The following RSF1 variants were observed in gnomAD, a reference collection of about 807,000 sequenced individuals.
RSF1 encodes HBV pX-associated protein 8.
Under a neutral mutation model 145.2 loss-of-function variants are expected in RSF1, and 13 were observed. That is an observed-to-expected ratio of 0.09 (90% CI 0.06 to 0.14). The LOEUF (loss-of-function observed/expected upper bound fraction) is 0.14, where lower values mean the gene tolerates loss of function less well. Ranked by LOEUF, RSF1 falls within the 10% of genes least tolerant of loss-of-function variation. The pLI, the probability that RSF1 is intolerant of heterozygous loss-of-function variation, is 1.00. For missense variants in RSF1, 1,517 were observed against 1,718.2 expected, an observed-to-expected ratio of 0.88 and a Z score of 2.07; for synonymous variants, 577 against 592.6, an observed-to-expected ratio of 0.97 and a Z score of 0.38.
the RSF1 span, among the ~76,000 whole-genome samples, chr11:77,863,962 T>G: frequency 3.3e-5 from 5 of 151,864 alleles, no homozygotes; most frequent in Non-Finnish European, 7.4e-5. Flanking sequence ...GTTTCACTCT[T>G]TTCGCCCAGG....
Position 77,698,535 on chromosome 11 carries a change from A to G in RSF1, c.2667T>C (p.Asp889=). 2 of 1,614,140 alleles carry G rather than the reference A, an allele frequency of 1.2e-6. No homozygotes were observed. The highest frequency in any genetic ancestry group is 1.7e-6 in the Non-Finnish European group (2 of 1,180,000). Residue 889 remains aspartate (D), a synonymous_variant, in exon 7 of 16, where the codon GAT becomes GAC. Coordinates refer to ENST00000308488, the MANE Select transcript of RSF1 (RefSeq NM_016578.4). The part of the protein sequence containing the change: ...EKESEEAILA[D]DDEPCKKCGL... ...CACATTTTTTGCATGGTTCATCATC[A>G]TCTGCTAGGATGGCTTCTTCACTTT...
At chr11:77,691,338 A>G (rs1960144866) in intron 8 of RSF1, 100 bp from the exon 9 acceptor site, 1 of 913,600 alleles carries the variant, frequency 1.1e-6, no homozygotes. Context: ...GAGAGCTGGT[A>G]AGGGACCACA....
chr11:77,829,773 CTT>C, the RSF1 span: 1 of 152,170 alleles, frequency 6.6e-6, no homozygotes, highest in Non-Finnish European at 1.5e-5. Flanking sequence ...AAATTAAAAA[CTT>C]GTGTGCTTTA....
chr11:77,740,288 T>G (rs144790787), intron 4 of RSF1, among the ~76,000 whole-genome samples: 3 of 152,162 alleles, frequency 2.0e-5, no homozygotes, highest in African/African-American at 7.2e-5. Context: ...GGCAGGAGAA[T>G]TGCTTGAACC....
rs1960679320 is a variant in RSF1, at chr11:77,711,368, T to C, written c.734-8873A>G. On this transcript the variant is annotated intron_variant, in intron 5 of 15. Coordinates refer to ENST00000308488, the MANE Select transcript of RSF1 (RefSeq NM_016578.4). ...CATTACCAATGTCATTAAAGAAAAG[T>C]TTAAAAAGTTTGTGTATGTGGCCAG... Among the ~76,000 whole-genome samples the C allele has an allele frequency of 2.6e-5, 4 of 152,158 alleles. No individual in the cohort carries two copies. In the South Asian group the frequency reaches 8.3e-4, roughly 32 times the overall value.
At chr11:77,820,813 C>G (rs2136002051), upstream of RSF1, 2 of 1,240,620 alleles carry the variant, frequency 1.6e-6, no homozygotes, top group South Asian at 1.5e-5. Context: ...GAGGCGCTCT[C>G]AAGTGGGCTC....
chr11:77,710,116 C>A (rs1428341593), intron 5 of RSF1, among the ~76,000 whole-genome samples: 1 of 152,050 alleles, frequency 6.6e-6, no homozygotes, highest in Admixed American at 6.5e-5. Flanking sequence ...AATAATAATT[C>A]TCTTCTTTAC....
intron 15 of RSF1, among the ~76,000 whole-genome samples, chr11:77,669,868 C>T (rs1441469680): frequency 1.3e-5 from 2 of 152,220 alleles, no homozygotes; most frequent in Non-Finnish European, 2.9e-5. Context: ...TGGCTTACAC[C>T]TGTAATCCTA....
Position 77,701,641 on chromosome 11 carries a change from C to G in RSF1, c.1588G>C (p.Glu530Gln), listed in dbSNP as rs1217652292. The change falls in exon 6 of 16, where the codon GAG (glutamate) becomes CAG (glutamine). Residue 530 changes from glutamate (E) to glutamine (Q), a missense_variant. Physicochemically the swap from Glu to Gln is conservative, Grantham distance 29 (BLOSUM62 2). This residue lies in a region of RSF1 where 579 missense variants were observed against 553.5 expected (regional missense o/e 1.05). Coordinates refer to ENST00000308488, the MANE Select transcript of RSF1 (RefSeq NM_016578.4). ...TCCATTTCTGGAGGATCGGGTTCCT[C>G]TATTTGTGCTTTTTGACTATGGATC... ...LEIHSQKAQI[E>Q]EPDPPEMETS... 1 of 1,614,040 alleles carries G rather than the reference C, an allele frequency of 6.2e-7. No homozygotes were observed. Among genetic ancestry groups the G allele is most frequent in the Non-Finnish European group, 8.5e-7 (1 of 1,179,990 alleles).
At chr11:77,675,660 C>G (rs185197950) in intron 13 of RSF1, among the ~76,000 whole-genome samples, 1 of 152,214 alleles carries the variant, frequency 6.6e-6, no homozygotes, top group East Asian at 1.9e-4. Context: ...TTCTCATATC[C>G]AATAAATTAA....
At chr11:77,718,392 T>C (rs1960867219) in intron 5 of RSF1, 1 of 152,222 alleles carries the variant, frequency 6.6e-6, no homozygotes. Context: ...CATTCAAAAA[T>C]GAATCTCCTT....
intron 1 of RSF1, among the ~76,000 whole-genome samples, chr11:77,820,082 A>G (rs968581504): frequency 2.6e-5 from 4 of 152,110 alleles, no homozygotes; most frequent in Admixed American, 1.3e-4. Flanking sequence ...CTTCCCCGAG[A>G]TGGTCGGGAA....
intron 5 of RSF1, among the ~76,000 whole-genome samples, chr11:77,716,655 C>T (rs1440748021): frequency 6.6e-6 from 1 of 151,674 alleles, no homozygotes; most frequent in Non-Finnish European, 1.5e-5. Flanking sequence ...CTTTCAGTTA[C>T]GAAGAGTAAG....
At chr11:77,720,060 G>T (rs975023567) in intron 5 of RSF1, among the ~76,000 whole-genome samples, 1 of 152,146 alleles carries the variant, frequency 6.6e-6, no homozygotes, top group Admixed American at 6.5e-5. Flanking sequence ...AGTGGTTATG[G>T]TTGCACAATG....
At chr11:77,853,993 C>CT in the RSF1 span, among the ~76,000 whole-genome samples, 83,481 of 138,180 alleles carry the variant, frequency 0.6, 25,689 homozygotes, top group East Asian at 0.71. Context: ...CCTCCAAATT[C>CT]TTTTTTTTTT....
the RSF1 span, among the ~76,000 whole-genome samples, chr11:77,860,254 T>A: frequency 6.6e-6 from 1 of 152,242 alleles, no homozygotes; most frequent in Non-Finnish European, 1.5e-5. Flanking sequence ...TGGGTATTGC[T>A]TTCTGAGTTT....
At chr11:77,863,551 G>A in the RSF1 span, among the ~76,000 whole-genome samples, 16 of 152,128 alleles carry the variant, frequency 1.1e-4, no homozygotes, top group African/African-American at 3.9e-4. Context: ...ACTACGCCTG[G>A]CTAATTTCTG....
upstream of RSF1, among the ~76,000 whole-genome samples, chr11:77,824,696 GT>G (rs775519811): frequency 7.2e-5 from 11 of 152,170 alleles, no homozygotes; most frequent in East Asian, 1.5e-3. Flanking sequence ...CAAAGTAGTT[GT>G]TTCCTTTGAG....
At chr11:77,677,440 A>T (rs553706539) in intron 12 of RSF1, among the ~76,000 whole-genome samples, 1 of 152,364 alleles carries the variant, frequency 6.6e-6, no homozygotes, top group South Asian at 2.1e-4. Flanking sequence ...GAAAGAGGCC[A>T]ATAGAGTTTT....
Sources: gnomAD v4.1 joint callset for allele counts (sites outside exome capture counted in the v4.1 genomes callset) on GRCh38, gnomAD v4.1.1 for gene constraint, gnomAD v4.1.1 regional missense constraint, MANE v1.5 for transcripts, NCBI Gene and HGNC (gene_info 2026-07-23, HGNC 2026-07-21) for gene names.